LRP1B: variants seen among roughly 807,000 people sequenced by gnomAD.
LRP1B encodes the protein low-density lipoprotein receptor-related protein 1B.
In LRP1B, 217 loss-of-function variants were observed where a neutral mutation model predicts 556.6. The ratio of observed to expected loss-of-function variants is 0.39; its 90% CI spans 0.35 to 0.44. LRP1B has a LOEUF of 0.44. LRP1B is among the 20% of genes least tolerant of loss of function. The pLI, the probability that LRP1B is intolerant of heterozygous loss-of-function variation, is 1.00. For synonymous variants in LRP1B, 2,047 were observed against 1,865.8 expected (o/e 1.10, Z -2.50); for missense variants, 5,053 against 5,620.8 (o/e 0.90, Z 3.23).
At chr2:141,545,517 C>T (rs562924303) in intron 2 of LRP1B, among the ~76,000 whole-genome samples, 2 of 152,096 alleles carry the variant, frequency 1.3e-5, no homozygotes, top group African/African-American at 4.8e-5. Flanking sequence ...CTGGATTATC[C>T]ACGTGGGCCC....
intron 7 of LRP1B, among the ~76,000 whole-genome samples, chr2:141,114,316 C>A (rs1289288158): frequency 1.3e-5 from 2 of 152,204 alleles, no homozygotes; most frequent in Non-Finnish European, 2.9e-5. Flanking sequence ...CAGTCTTTTA[C>A]ACCCTGCTCT....
At position 141,812,084 on chromosome 2, in the gene LRP1B, G is replaced by A. The variant is rs13403262; in HGVS notation, c.83-1683C>T. ...TCTACTGAAATGGAAATGGCATTCA[G>A]GTTATAAGACCTGGGTTTTCCCCAT... On this transcript the variant is annotated intron_variant, in intron 1 of 90. Coordinates refer to ENST00000389484, the MANE Select transcript of LRP1B (RefSeq NM_018557.3). Among the ~76,000 whole-genome samples the A allele has an allele frequency of 7.4e-3, 1,126 of 152,170 alleles. 18 individuals are homozygous for A. Among genetic ancestry groups the A allele is most frequent in the African/African-American group, 0.025 (1,040 of 41,538 alleles).
intron 35 of LRP1B, among the ~76,000 whole-genome samples, chr2:140,740,005 CA>C (rs530460018): frequency 6.6e-6 from 1 of 151,980 alleles, no homozygotes; most frequent in Non-Finnish European, 1.5e-5. Flanking sequence ...TAGTCATATA[CA>C]AAAAATCAAA....
At position 140,950,299 on chromosome 2, in the gene LRP1B, G is replaced by T. The variant is rs6748626; in HGVS notation, c.3072C>A (p.Ala1024=). Residue 1024 remains alanine (A), a synonymous_variant, in exon 20 of 91, where the codon GCC becomes GCA. Coordinates refer to ENST00000389484, the MANE Select transcript of LRP1B (RefSeq NM_018557.3). The stretch of plus-strand genomic sequence containing the variant: ...CCCCACAGTCATTGTCACCATCACA[G>T]GCCCAGTGGCCTGGGATGCATCTGC... The part of the protein sequence containing the change: ...SSGRCIPGHW[A]CDGDNDCGDF... 0.15 allele frequency: 245,485 copies of T among 1,611,778 alleles called. 22,862 individuals carry two copies. The highest frequency in any genetic ancestry group is 0.4 in the African/African-American group (30,225 of 74,718).
chr2:140,359,049 T>C (rs968955439), intron 72 of LRP1B, 103 bp from the exon 73 acceptor site: 25 of 1,161,414 alleles, frequency 2.2e-5, no homozygotes, highest in South Asian at 6.3e-5. Context: ...ATAAGCTAGC[T>C]TTTCTAAATA....
chr2:140,549,861 G>GT (rs1241483223), intron 43 of LRP1B, among the ~76,000 whole-genome samples: 165 of 148,180 alleles, frequency 1.1e-3, no homozygotes, highest in East Asian at 4.0e-3. Context: ...AGTTGTTGTT[G>GT]TTTTTTTTTT....
At chr2:141,061,388 A>T (rs1699330514) in intron 8 of LRP1B, among the ~76,000 whole-genome samples, 1 of 151,866 alleles carries the variant, frequency 6.6e-6, no homozygotes, top group African/African-American at 2.4e-5. Flanking sequence ...AAGTGCCATT[A>T]GTGAGATAAA....
At chr2:141,348,331 G>A (rs1029189480) in intron 3 of LRP1B, among the ~76,000 whole-genome samples, 1 of 151,844 alleles carries the variant, frequency 6.6e-6, no homozygotes, top group African/African-American at 2.4e-5. Context: ...AAATAGGGAT[G>A]AATTATTTCA....
At chr2:141,741,429 C>T (rs1474377208) in intron 2 of LRP1B, among the ~76,000 whole-genome samples, 2 of 151,866 alleles carry the variant, frequency 1.3e-5, no homozygotes, top group South Asian at 4.1e-4. Context: ...AGTGTACAAG[C>T]ATTCCCTTTT....
At chr2:141,549,595 C>G (rs548875576) in intron 2 of LRP1B, among the ~76,000 whole-genome samples, 2 of 152,114 alleles carry the variant, frequency 1.3e-5, no homozygotes, top group South Asian at 4.1e-4. Context: ...CCCTTGTTTT[C>G]TTTAATCTTA....
intron 66 of LRP1B, among the ~76,000 whole-genome samples, chr2:140,410,458 AC>A (rs913836358): frequency 6.6e-6 from 1 of 151,982 alleles, no homozygotes; most frequent in Admixed American, 6.6e-5. Context: ...GTCTTTATTC[AC>A]CTTTTAATAA....
At chr2:140,906,192 C>T (rs1694249762) in intron 22 of LRP1B, among the ~76,000 whole-genome samples, 2 of 152,154 alleles carry the variant, frequency 1.3e-5, no homozygotes, top group African/African-American at 4.8e-5. Context: ...GGTACTTCCA[C>T]ACCAGATTCC....
intron 6 of LRP1B, among the ~76,000 whole-genome samples, chr2:141,195,905 G>A (rs560191970): frequency 2.6e-5 from 4 of 152,114 alleles, no homozygotes; most frequent in South Asian, 4.1e-4. Flanking sequence ...TGAGAAGGAT[G>A]GTATGTGAAC....
At chr2:140,554,320 T>TTTATATTTATATTTCAA (rs775250671) in intron 43 of LRP1B, among the ~76,000 whole-genome samples, 3,217 of 152,192 alleles carry the variant, frequency 0.021, 90 homozygotes, top group African/African-American at 0.061. Flanking sequence ...TTTATTTTCT[T>TTTATATTTATATTTCAA]GCCGTTATGT....
intron 66 of LRP1B, among the ~76,000 whole-genome samples, chr2:140,391,014 T>C (rs774086772): frequency 6.6e-5 from 10 of 152,126 alleles, no homozygotes; most frequent in Non-Finnish European, 1.5e-4. Flanking sequence ...TCAGCAATTT[T>C]TCTTGTAGGT....
intron 3 of LRP1B, among the ~76,000 whole-genome samples, chr2:141,290,032 C>T (rs1460652339): frequency 6.6e-6 from 1 of 152,034 alleles, no homozygotes; most frequent in Non-Finnish European, 1.5e-5. Flanking sequence ...TGTACTAGTT[C>T]TCAAACTTCA....
chr2:141,778,486 A>T (rs968036176), intron 2 of LRP1B, among the ~76,000 whole-genome samples: 5 of 152,210 alleles, frequency 3.3e-5, no homozygotes, highest in Non-Finnish European at 5.9e-5. Flanking sequence ...AGATAGGCAG[A>T]CAGCTGTTGA....
chr2:141,525,292 C>T (rs1574045413), intron 2 of LRP1B, among the ~76,000 whole-genome samples: 1 of 151,936 alleles, frequency 6.6e-6, no homozygotes, highest in East Asian at 1.9e-4. Context: ...GAGAAGGAAA[C>T]CTTAGTTATT....
At chr2:142,048,068 T>C (rs1009045276) in intron 1 of LRP1B, among the ~76,000 whole-genome samples, 19 of 34,690 alleles carry the variant, frequency 5.5e-4, no homozygotes, top group Non-Finnish European at 1.4e-3. Context: ...TATTCTACTA[T>C]ATCATAAGTG....
Sources: gnomAD v4.1 joint callset for allele counts (sites outside exome capture counted in the v4.1 genomes callset) on GRCh38, gnomAD v4.1.1 for gene constraint, MANE v1.5 for transcripts, NCBI Gene and HGNC (gene_info 2026-07-23, HGNC 2026-07-21) for gene names.